SGCD: variants seen among roughly 807,000 people sequenced by gnomAD.
SGCD encodes delta-sarcoglycan.
A neutral mutation model predicts 36.6 loss-of-function variants in SGCD; 18 were observed. The ratio of observed to expected loss-of-function variants is 0.49; its 90% CI spans 0.34 to 0.73. The LOEUF (loss-of-function observed/expected upper bound fraction) is 0.73. Among genes scored for constraint, SGCD ranks in the 30% least tolerant of loss-of-function variants. SGCD has a pLI of 0.01. For missense variants in SGCD, 387 were observed against 346.7 expected (o/e 1.12, Z -0.92); for synonymous variants, 133 against 130.6 (o/e 1.02, Z -0.12).
chr5:155,729,794 C>A, the SGCD span, among the ~76,000 whole-genome samples: 1 of 152,180 alleles, frequency 6.6e-6, no homozygotes, highest in African/African-American at 2.4e-5. Flanking sequence ...TGCCTCCTGT[C>A]GGAAAACAGC....
chr5:155,784,108 C>T, the SGCD span, among the ~76,000 whole-genome samples: 1 of 152,134 alleles, frequency 6.6e-6, no homozygotes, highest in Non-Finnish European at 1.5e-5. Flanking sequence ...AAAGATGAGG[C>T]CATATGCCAC....
intron 1 of SGCD, among the ~76,000 whole-genome samples, chr5:156,076,270 T>A (rs1760782782): frequency 6.6e-6 from 1 of 152,140 alleles, no homozygotes; most frequent in Admixed American, 6.5e-5. Flanking sequence ...GCAGGTGGTT[T>A]ATTTTTTTTC....
chr5:156,043,166 T>C (rs1214396231), intron 1 of SGCD, among the ~76,000 whole-genome samples: 1 of 152,140 alleles, frequency 6.6e-6, no homozygotes, highest in Non-Finnish European at 1.5e-5. Context: ...TTGCTGAACA[T>C]AGAGCAGATC....
chr5:155,902,381 A>T (rs1170732814), intron 1 of SGCD, among the ~76,000 whole-genome samples: 5 of 152,234 alleles, frequency 3.3e-5, no homozygotes, highest in Admixed American at 3.3e-4. Flanking sequence ...CTTTGAATTC[A>T]AAAGTTATTT....
intron 1 of SGCD, among the ~76,000 whole-genome samples, chr5:155,888,005 C>G (rs1756046057): frequency 6.6e-6 from 1 of 152,188 alleles, no homozygotes; most frequent in African/African-American, 2.4e-5. Context: ...GTGTTACACA[C>G]TTAGTGAATG....
intron 3 of SGCD, among the ~76,000 whole-genome samples, chr5:156,284,252 A>C (rs1193360653): frequency 6.6e-6 from 1 of 152,182 alleles, no homozygotes; most frequent in Non-Finnish European, 1.5e-5. Flanking sequence ...TACATGGAGG[A>C]GCTGGTACCA....
chr5:156,345,181 C>T (rs897480827), intron 3 of SGCD, among the ~76,000 whole-genome samples: 9 of 151,796 alleles, frequency 5.9e-5, no homozygotes, highest in African/African-American at 1.2e-4. Context: ...TTTCGGAGGA[C>T]GATCCTCTTT....
chr5:156,357,961 A>G (rs978689981), intron 3 of SGCD, among the ~76,000 whole-genome samples: 26 of 152,194 alleles, frequency 1.7e-4, no homozygotes, highest in African/African-American at 6.0e-4. Flanking sequence ...CAAGTCACTG[A>G]GCCAGTATTC....
rs541133612 is a variant in SGCD at position 156,089,555 on chromosome 5, C to T, written c.-281-28323C>T. ...CTCTCTCAAATTTAGCAAGATATGC[C>T]TCGACCCATCCCCAACAGGTGTCCA... On this transcript the variant is annotated intron_variant, in intron 1 of 9. Coordinates refer to the SGCD transcript ENST00000517913. 5.3e-5 allele frequency among the ~76,000 whole-genome samples: 8 copies of T among 152,278 alleles called. No homozygotes were observed. In the East Asian group the frequency reaches 1.5e-3, roughly 29 times the overall value.
chr5:156,757,526 T>C, intron 7 of SGCD, 55 bp from the exon 8 acceptor site: 2 of 1,128,116 alleles, frequency 1.8e-6, no homozygotes, highest in Non-Finnish European at 2.6e-6. Context: ...AACTTCCTTT[T>C]GTATTTATTA....
At chr5:155,795,352 A>C in the SGCD span, among the ~76,000 whole-genome samples, 1 of 152,188 alleles carries the variant, frequency 6.6e-6, no homozygotes, top group African/African-American at 2.4e-5. Context: ...ACACTAATGC[A>C]GATACATTCT....
At chr5:156,142,115 C>G (rs1355769257) in intron 3 of SGCD, among the ~76,000 whole-genome samples, 1 of 152,198 alleles carries the variant, frequency 6.6e-6, no homozygotes, top group East Asian at 1.9e-4. Flanking sequence ...GAGTGAGTTC[C>G]CATGAGATAT....
In SGCD at chr5:155,884,762, A is replaced by C. The variant is rs1430160910; in HGVS notation, c.-282+14338A>C. 1.3e-5 allele frequency among the ~76,000 whole-genome samples: 2 copies of C among 152,058 alleles called. 1 individual carries two copies. The highest frequency in any genetic ancestry group is 2.9e-5 in the Non-Finnish European group (2 of 68,022). On this transcript the variant is annotated intron_variant, in intron 1 of 9. Coordinates refer to the SGCD transcript ENST00000517913. Reference sequence around the variant, plus strand: ...TGAGCACATTACTTAAAACTCTGTGAACCTCAGTTCTTAATCTATAAAAAT... The same window carrying C: ...TGAGCACATTACTTAAAACTCTGTGCACCTCAGTTCTTAATCTATAAAAAT...
chr5:155,857,091 G>T, the SGCD span, among the ~76,000 whole-genome samples: 2 of 152,022 alleles, frequency 1.3e-5, no homozygotes, highest in African/African-American at 4.8e-5. Flanking sequence ...AAAAAAATTA[G>T]CCAGGCATCA....
chr5:155,790,169 C>T, the SGCD span, among the ~76,000 whole-genome samples: 1 of 151,986 alleles, frequency 6.6e-6, no homozygotes, highest in Non-Finnish European at 1.5e-5. Context: ...AGGAAATTTT[C>T]TAGTTTTTTA....
the SGCD span, among the ~76,000 whole-genome samples, chr5:155,728,470 A>G: frequency 6.6e-6 from 1 of 152,298 alleles, no homozygotes; most frequent in South Asian, 2.1e-4. Context: ...GGCACGGCGG[A>G]TTGAAGCGAG....
chr5:156,011,763 C>G (rs910754103), intron 1 of SGCD, among the ~76,000 whole-genome samples: 5 of 152,168 alleles, frequency 3.3e-5, no homozygotes, highest in African/African-American at 1.2e-4. Context: ...AAACATAAAA[C>G]TTTGAATAAT....
intron 1 of SGCD, among the ~76,000 whole-genome samples, chr5:156,085,842 T>C (rs1327295153): frequency 6.6e-6 from 1 of 152,212 alleles, no homozygotes; most frequent in African/African-American, 2.4e-5. Flanking sequence ...TTAAAATTGC[T>C]TGTGGTGTTG....
intron 6 of SGCD, among the ~76,000 whole-genome samples, chr5:156,602,827 G>A (rs1021732992): frequency 6.6e-6 from 1 of 152,010 alleles, no homozygotes; most frequent in Admixed American, 6.6e-5. Flanking sequence ...TTAATTTGCT[G>A]TTAAATTCAG....
Sources: gnomAD v4.1 joint callset for allele counts (sites outside exome capture counted in the v4.1 genomes callset) on GRCh38, gnomAD v4.1.1 for gene constraint, MANE v1.5 for transcripts, NCBI Gene and HGNC (gene_info 2026-07-23, HGNC 2026-07-21) for gene names.